The following RABIF variants were observed in gnomAD, a reference collection of about 807,000 sequenced individuals.
RABIF encodes RAB interacting factor.
RABIF carries 13 observed loss-of-function variants against 12.3 expected under a neutral mutation model. The observed-to-expected ratio is 1.06, with a 90% CI of 0.69 to 1.68. The LOEUF (loss-of-function observed/expected upper bound fraction) is 1.68. RABIF is among the 40% of genes most tolerant of loss of function. The probability of loss-of-function intolerance (pLI) is 0.00; values close to 1 mark genes in which losing one functional copy is unlikely to be tolerated. For missense variants in RABIF, 153 were observed against 158.0 expected (o/e 0.97, Z 0.17); for synonymous variants, 70 against 63.3 (o/e 1.11, Z -0.50).
At chr1:202,888,772 G>C (rs911333885) in intron 1 of RABIF, among the ~76,000 whole-genome samples, 2 of 152,236 alleles carry the variant, frequency 1.3e-5, no homozygotes, top group Non-Finnish European at 1.5e-5. Flanking sequence ...AAAAGATGCC[G>C]GGGCGGGACC....
At chr1:202,888,651 G>C (rs904212395) in intron 1 of RABIF, among the ~76,000 whole-genome samples, 1 of 152,190 alleles carries the variant, frequency 6.6e-6, no homozygotes. Flanking sequence ...ACGCGCCCGC[G>C]GAGCACCGGC....
intron 1 of RABIF, among the ~76,000 whole-genome samples, chr1:202,881,485 T>A (rs1659490912): frequency 6.6e-6 from 1 of 151,978 alleles, no homozygotes; most frequent in South Asian, 2.1e-4. Flanking sequence ...CACTGCAACC[T>A]CCGCCTCCTG....
Position 202,880,615 on chromosome 1 carries a change from T to A in RABIF, c.*363A>T. On this transcript the variant is annotated 3_prime_UTR_variant, in exon 2 of 2. Transcript: ENST00000367262. The stretch of plus-strand genomic sequence containing the variant: ...CATAAGCATCTTTTGTTATGTGTCA[T>A]CATAGCTAAAAGGTTGAATACTGCT... The A allele has an allele frequency of 1.2e-6, 1 of 836,266 alleles. No individual in the cohort carries two copies. Among genetic ancestry groups the A allele is most frequent in the Non-Finnish European group, 1.5e-6 (1 of 686,134 alleles). The allele number at this position is 836,266 out of a possible 1,614,324, so 51.8% of individuals were successfully genotyped here. A position where few individuals can be genotyped will look rare whatever the true frequency, so the allele number is the denominator to read the frequency against.
At position 202,878,738 on chromosome 1, in the gene RABIF, C is replaced by G. The variant is rs982534653; in HGVS notation, c.*2240G>C. ...AAGTTTCTATACTCGGAGCAGAAAG[C>G]ACAGGTTGCCTCTATCTACCCACAG... On this transcript the variant is annotated 3_prime_UTR_variant, in exon 2 of 2. Coordinates refer to ENST00000367262, the MANE Select transcript of RABIF (RefSeq NM_002871.5). 6.6e-6 allele frequency among the ~76,000 whole-genome samples: 1 copy of G among 152,320 alleles called. No homozygotes were observed. Among genetic ancestry groups the G allele is most frequent in the African/African-American group, 2.4e-5 (1 of 41,574 alleles).
In RABIF at chr1:202,888,961, C is replaced by T; in HGVS notation, c.126+12G>A. The T allele has an allele frequency of 6.5e-7, 1 of 1,541,698 alleles. No homozygotes were observed. Among genetic ancestry groups the T allele is most frequent in the Non-Finnish European group, 8.8e-7 (1 of 1,141,410 alleles). ...ACTGTGGGTGTAAACGGCCTCCAAC[C>T]TGCCTCCCTACCTGTCGGCGAGAGA... On this transcript the variant is annotated intron_variant, in intron 1 of 1. Coordinates refer to ENST00000367262, the MANE Select transcript of RABIF (RefSeq NM_002871.5).
At chr1:202,882,740 G>GT (rs1339633121) in intron 1 of RABIF, among the ~76,000 whole-genome samples, 1 of 151,702 alleles carries the variant, frequency 6.6e-6, no homozygotes, top group Non-Finnish European at 1.5e-5. Flanking sequence ...TATTTACCAC[G>GT]TGTCTACCTC....
intron 1 of RABIF, among the ~76,000 whole-genome samples, chr1:202,887,746 C>T (rs180818776): frequency 8.5e-5 from 13 of 152,164 alleles, no homozygotes; most frequent in African/African-American, 2.4e-4. Flanking sequence ...TCAGGTGTTC[C>T]GCCCGCCTCG....
rs188304638 is a variant in RABIF, at chr1:202,887,323, T to C, written c.126+1650A>G. On this transcript the variant is annotated intron_variant, in intron 1 of 1. Coordinates refer to ENST00000367262, the MANE Select transcript of RABIF (RefSeq NM_002871.5). ...CGGCCCAACACAAATTCGGAAACTT[T>C]CTTAAAACATTATGAAAAATTTTTT... Among the ~76,000 whole-genome samples, 511 of 152,032 alleles carry C rather than the reference T, an allele frequency of 3.4e-3. 2 individuals are homozygous for C. The highest frequency in any genetic ancestry group is 0.012 in the African/African-American group (490 of 41,442).
intron 1 of RABIF, among the ~76,000 whole-genome samples, chr1:202,885,103 A>AG (rs1659541857): frequency 3.0e-5 from 1 of 33,330 alleles, no homozygotes; most frequent in Non-Finnish European, 9.7e-5. Context: ...AAAAAAAAAA[A>AG]AAAAAAAAAA....
chr1:202,886,674 A>T (rs1304659739), intron 1 of RABIF, among the ~76,000 whole-genome samples: 1 of 152,182 alleles, frequency 6.6e-6, no homozygotes, highest in Non-Finnish European at 1.5e-5. Flanking sequence ...AGGTGGATGA[A>T]TCACTTGAGC....
chr1:202,880,966 C>T lies in RABIF; in HGVS notation c.*12G>A. ...TATCTTTGGAGATGGAGCTGAGTAC[C>T]CCTCCCCTCAGTTACTCATGGGAAA... is the stretch of plus-strand genomic sequence containing the variant. On this transcript the variant is annotated 3_prime_UTR_variant, in exon 2 of 2. Coordinates refer to ENST00000367262, the MANE Select transcript of RABIF (RefSeq NM_002871.5). 2 of 1,611,908 alleles carry T rather than the reference C, an allele frequency of 1.2e-6. No homozygotes were observed. The highest frequency in any genetic ancestry group is 1.1e-5 in the South Asian group (1 of 90,996).
chr1:202,887,025 TTTTG>T (rs200303642), intron 1 of RABIF, among the ~76,000 whole-genome samples: 2,124 of 41,010 alleles, frequency 0.052, 46 homozygotes, highest in African/African-American at 0.08. Flanking sequence ...GTGGGCTATG[TTTTG>T]TTTTTTTTTT....
Position 202,880,765 on chromosome 1 carries a change from A to G in RABIF, c.*213T>C, listed in dbSNP as rs182884644. The G allele has an allele frequency of 4.4e-4, 582 of 1,317,366 alleles. 3 individuals are homozygous for G. The African/African-American group carries it at 7.5e-3, about 17-fold the overall frequency. 81.6% of individuals were successfully genotyped at this position (1,317,366 alleles called of 1,614,324 possible). ...AAACTGGGGGAAAAGGGAGCTTAGG[A>G]AATGTGATACAAAGTGAACTAAGCA... On this transcript the variant is annotated 3_prime_UTR_variant, in exon 2 of 2. Coordinates refer to ENST00000367262, the MANE Select transcript of RABIF (RefSeq NM_002871.5).
intron 1 of RABIF, among the ~76,000 whole-genome samples, chr1:202,881,740 G>A (rs763821557): frequency 3.9e-5 from 6 of 152,166 alleles, no homozygotes; most frequent in Non-Finnish European, 8.8e-5. Flanking sequence ...GGTGGTCTGG[G>A]AACTCGGTTT....
chr1:202,881,776 A>C (rs965594257), intron 1 of RABIF, among the ~76,000 whole-genome samples: 2 of 152,148 alleles, frequency 1.3e-5, no homozygotes, highest in African/African-American at 4.8e-5. Flanking sequence ...CATGGGCCCC[A>C]CATGGTCCTA....
Position 202,889,047 on chromosome 1 carries a change from G to A in RABIF, c.52C>T (p.Arg18Trp), listed in dbSNP as rs375439968. The change falls in exon 1 of 2, where the codon CGG becomes TGG. Residue 18 changes from arginine to tryptophan, a missense_variant. Physicochemically the swap from Arg to Trp is moderately radical, Grantham distance 101. This residue lies in a region of RABIF where 113 missense variants were observed against 90.9 expected (regional missense o/e 1.24). Transcript: ENST00000367262. Reference protein sequence around the residue: ...SELVSAEGRNRKAVLCQRCGS... With the variant: ...SELVSAEGRNWKAVLCQRCGS... ...CAACGCTGGCACAGCACCGCCTTCC[G>A]GTTTCGGCCCTCGGCTGACACTAAC... The A allele has an allele frequency of 1.9e-6, 3 of 1,610,914 alleles. No homozygotes were observed. The highest frequency in any genetic ancestry group is 2.5e-6 in the Non-Finnish European group (3 of 1,178,914).
intron 1 of RABIF, among the ~76,000 whole-genome samples, chr1:202,885,086 CAAAA>C (rs113531957): frequency 7.4e-4 from 89 of 120,618 alleles, no homozygotes; most frequent in African/African-American, 3.0e-3. Flanking sequence ...GACTCTATCT[CAAAA>C]AAAAAAAAAA....
At position 202,880,797 on chromosome 1, in the gene RABIF, A is replaced by C; in HGVS notation, c.*181T>G. Reference sequence around the variant, plus strand: ...ATACAAAGTGAACTAAGCAGGAGGCATGTACTTGAGGCTTTAGGAAGCAGG... The same window carrying C: ...ATACAAAGTGAACTAAGCAGGAGGCCTGTACTTGAGGCTTTAGGAAGCAGG... On this transcript the variant is annotated 3_prime_UTR_variant, in exon 2 of 2. Transcript: ENST00000367262. 3 of 1,397,104 alleles carry C rather than the reference A, an allele frequency of 2.1e-6. No homozygotes were observed. Among genetic ancestry groups the C allele is most frequent in the Non-Finnish European group, 2.8e-6 (3 of 1,075,464 alleles). The allele number at this position is 1,397,104 out of a possible 1,614,324, so 86.5% of individuals were successfully genotyped here. A position where few individuals can be genotyped will look rare whatever the true frequency, so the allele number is the denominator to read the frequency against.
intron 1 of RABIF, among the ~76,000 whole-genome samples, chr1:202,886,448 T>G (rs987902247): frequency 6.6e-6 from 1 of 152,042 alleles, no homozygotes; most frequent in African/African-American, 2.4e-5. Flanking sequence ...TAGCTGGGCA[T>G]GGTGGCGTGC....
Sources: allele counts gnomAD v4.1 joint callset (sites outside exome capture counted in the v4.1 genomes callset), GRCh38; gene constraint gnomAD v4.1.1; regional missense constraint gnomAD v4.1.1; transcripts MANE v1.5; gene names NCBI Gene and HGNC (gene_info 2026-07-23, HGNC 2026-07-21).